The following HK1 variants were observed in gnomAD, a reference collection of about 807,000 sequenced individuals.
HK1 encodes hexokinase 1.
Under a neutral mutation model 91.6 loss-of-function variants are expected in HK1, and 28 were observed. The observed-to-expected ratio is 0.31, with a 90% confidence interval of 0.23 to 0.42. HK1 has a LOEUF of 0.42. HK1 is among the 10% of genes least tolerant of loss of function. HK1 has a pLI of 1.00. For synonymous variants in HK1, 430 were observed against 468.1 expected, an observed-to-expected ratio of 0.92 and a Z score of 1.05; for missense variants, 770 against 1,219.8, an observed-to-expected ratio of 0.63 and a Z score of 5.49.
intron 1 of HK1, among the ~76,000 whole-genome samples, chr10:69,279,787 A>T (rs1330248431): frequency 1.3e-5 from 2 of 152,280 alleles, no homozygotes; most frequent in South Asian, 4.1e-4. Flanking sequence ...AGGAATCAGG[A>T]CCTCGCAAAA....
intron 2 of HK1, among the ~76,000 whole-genome samples, chr10:69,353,239 A>G (rs1848966391): frequency 6.6e-6 from 1 of 152,208 alleles, no homozygotes; most frequent in Non-Finnish European, 1.5e-5. Context: ...AATAGAGCGA[A>G]TAAACCAATG....
Position 69,369,323 on chromosome 10 carries a change from C to A in HK1, c.678C>A (p.Val226=). Residue 226 remains valine, a synonymous_variant, in exon 6 of 18, where the codon GTC becomes GTA. Coordinates refer to ENST00000359426, the MANE Select transcript of HK1 (RefSeq NM_000188.3). This position sits in a 1 kb window ranked among gnomAD's most constrained non-coding sequence, Gnocchi z 4.4. ...GCTATGACGACCAGCACTGTGAAGT[C>A]GGCCTGATCATCGGTAATGCATTCC... The part of the protein sequence containing the change: ...TCGYDDQHCE[V]GLIIGTGTNA... 1 of 1,614,060 alleles carries A rather than the reference C, an allele frequency of 6.2e-7. No homozygotes were observed. Among genetic ancestry groups the A allele is most frequent in the East Asian group, 2.2e-5 (1 of 44,880 alleles).
At chr10:69,328,880 C>T (rs1847534628) in intron 1 of HK1, among the ~76,000 whole-genome samples, 1 of 151,888 alleles carries the variant, frequency 6.6e-6, no homozygotes. Context: ...CTCTTATGGA[C>T]ATTTCATATA....
intron 11 of HK1, 95 bp downstream of exon 11, chr10:69,384,576 A>G (rs2132895739): frequency 6.5e-7 from 1 of 1,527,010 alleles, no homozygotes; most frequent in East Asian, 2.3e-5. Context: ...GGGTGCCCAC[A>G]TGGATTTGTG....
At chr10:69,339,599 A>G (rs944707004) in intron 1 of HK1, among the ~76,000 whole-genome samples, 2 of 152,154 alleles carry the variant, frequency 1.3e-5, no homozygotes, top group African/African-American at 4.8e-5. Flanking sequence ...TTGAGCTTCT[A>G]AGCTTTATTT....
intron 5 of HK1, among the ~76,000 whole-genome samples, chr10:69,303,953 G>A (rs1845992028): frequency 6.6e-6 from 1 of 152,210 alleles, no homozygotes; most frequent in Non-Finnish European, 1.5e-5. Context: ...AATTGAAACT[G>A]TCTTGCACTG....
intron 1 of HK1, among the ~76,000 whole-genome samples, chr10:69,271,741 T>G (rs1844181048): frequency 1.3e-5 from 2 of 152,178 alleles, no homozygotes; most frequent in Non-Finnish European, 2.9e-5. Context: ...CCTCCCAAAA[T>G]GCTGGGATTA....
At chr10:69,326,804 C>G (rs1847402012) in intron 1 of HK1, among the ~76,000 whole-genome samples, 1 of 152,156 alleles carries the variant, frequency 6.6e-6, no homozygotes, top group African/African-American at 2.4e-5. Context: ...TGCTGCTTCT[C>G]CCTTCGGAGG....
At chr10:69,328,236 C>T (rs1418348762) in intron 1 of HK1, among the ~76,000 whole-genome samples, 2 of 152,176 alleles carry the variant, frequency 1.3e-5, no homozygotes, top group African/African-American at 4.8e-5. Flanking sequence ...CGGCTCAGCC[C>T]TTTGCACACA....
intron 1 of HK1, among the ~76,000 whole-genome samples, chr10:69,274,150 G>A (rs138665074): frequency 9.7e-4 from 148 of 152,108 alleles, no homozygotes; most frequent in African/African-American, 3.0e-3. Context: ...TTCACTTTTC[G>A]TTTCAAATAT....
In HK1 at chr10:69,351,181, A is replaced by AAATAAATG. The variant is rs1279546603; in HGVS notation, c.226+7199_226+7200insGAATAAAT. Among the ~76,000 whole-genome samples, 420 of 64,124 alleles carry AAATAAATG rather than the reference A, an allele frequency of 6.5e-3. 4 individuals carry two copies. Among genetic ancestry groups the AAATAAATG allele is most frequent in the South Asian group, 0.06 (126 of 2,106 alleles). The allele number at this position is 64,124 out of a possible 152,430, so 42.1% of individuals were successfully genotyped here. A position where few individuals can be genotyped will look rare whatever the true frequency, so the allele number is the denominator to read the frequency against. On this transcript the variant is annotated intron_variant, in intron 2 of 17. Transcript: ENST00000359426. Reference sequence around the variant, plus strand: ...CAGAGCGAGACTCCGTCTCAAAATTAAATAAATAAATAAATAAATAAATAA... The same window carrying AAATAAATG: ...CAGAGCGAGACTCCGTCTCAAAATTAAATAAATGAATAAATAAATAAATAAATAAATAA...
intron 5 of HK1, among the ~76,000 whole-genome samples, chr10:69,310,538 G>C (rs1471679090): frequency 1.6e-4 from 25 of 152,118 alleles, no homozygotes; most frequent in Admixed American, 1.6e-3. Context: ...ACCCTGCCTA[G>C]GTGTTGACAT....
intron 5 of HK1, among the ~76,000 whole-genome samples, chr10:69,301,572 TCAAA>T (rs869130308): frequency 2.8e-5 from 1 of 35,118 alleles, no homozygotes; most frequent in Admixed American, 4.1e-4. Flanking sequence ...AGACTCTGTC[TCAAA>T]AAAAAAAAAA....
At chr10:69,387,295 G>GT (rs1839683916) in intron 13 of HK1, among the ~76,000 whole-genome samples, 1 of 152,050 alleles carries the variant, frequency 6.6e-6, no homozygotes, top group African/African-American at 2.4e-5. Flanking sequence ...GAATTTTAAA[G>GT]TTTCCTTTTT....
chr10:69,360,412 T>C (rs10823354), intron 3 of HK1, among the ~76,000 whole-genome samples: 50,801 of 144,218 alleles, frequency 0.35, 8,888 homozygotes, highest in African/African-American at 0.41. Context: ...GAAAATGCCC[T>C]TTTCTCCTGG....
intron 1 of HK1, among the ~76,000 whole-genome samples, chr10:69,342,496 AAGG>A (rs1209765816): frequency 1.3e-5 from 2 of 152,132 alleles, no homozygotes; most frequent in African/African-American, 2.4e-5. Flanking sequence ...GTGACAGCAG[AAGG>A]AGGAGAGCCT....
At chr10:69,349,476 G>T (rs921113741) in intron 2 of HK1, among the ~76,000 whole-genome samples, 7 of 152,196 alleles carry the variant, frequency 4.6e-5, no homozygotes, top group Admixed American at 4.6e-4. Flanking sequence ...AACCAATGGA[G>T]CCAGTCCAAG....
chr10:69,291,208 C>T (rs183377623), intron 3 of HK1, among the ~76,000 whole-genome samples: 6 of 152,350 alleles, frequency 3.9e-5, no homozygotes, highest in African/African-American at 7.2e-5. Flanking sequence ...GTGTCACAGG[C>T]GCCATGTGGC....
intron 1 of HK1, among the ~76,000 whole-genome samples, chr10:69,335,259 C>T (rs1847920193): frequency 6.6e-6 from 1 of 152,178 alleles, no homozygotes; most frequent in African/African-American, 2.4e-5. Flanking sequence ...GACCACGGTG[C>T]GGGCCCAGGC....
Sources: gnomAD v4.1 joint callset for allele counts (sites outside exome capture counted in the v4.1 genomes callset) on GRCh38, gnomAD v4.1.1 for gene constraint, Gnocchi (gnomAD v3.1) non-coding constraint, MANE v1.5 for transcripts, NCBI Gene and HGNC (gene_info 2026-07-23, HGNC 2026-07-21) for gene names.